UGT2A1: variants seen among roughly 807,000 people sequenced by gnomAD.
UGT2A1 encodes the protein UDP-glucuronosyltransferase 2A1.
In UGT2A1, 61 loss-of-function variants were observed where a neutral mutation model predicts 45.4. The observed-to-expected ratio is 1.34, with a 90% confidence interval of 1.09 to 1.66. UGT2A1 has a LOEUF of 1.66. Among genes scored for constraint, UGT2A1 ranks in the 40% most tolerant of loss-of-function variants. The pLI, the probability that UGT2A1 is intolerant of heterozygous loss-of-function variation, is 0.00. For synonymous variants in UGT2A1, 229 were observed against 196.2 expected (o/e 1.17, Z -1.40); for missense variants, 649 against 574.3 (o/e 1.13, Z -1.33).
intron 2 of UGT2A1, among the ~76,000 whole-genome samples, chr4:69,641,264 A>G (rs560608752): frequency 1.3e-5 from 2 of 152,074 alleles, no homozygotes; most frequent in African/African-American, 2.4e-5. Context: ...GTGAAGAACA[A>G]TAAAATGTAT....
chr4:69,639,346 TA>T, intron 2 of UGT2A1: 1 of 1,613,750 alleles, frequency 6.2e-7, no homozygotes, highest in East Asian at 2.2e-5. Context: ...AGCATTATCA[TA>T]TGCTCAATTA....
intron 3 of UGT2A1, among the ~76,000 whole-genome samples, chr4:69,610,910 A>T (rs530322764): frequency 6.6e-6 from 1 of 152,272 alleles, no homozygotes; most frequent in Non-Finnish European, 1.5e-5. Context: ...TAAATTAGCT[A>T]ATCTTTTTCA....
chr4:69,646,057 T>G (rs1203430556), intron 2 of UGT2A1, among the ~76,000 whole-genome samples: 5 of 151,882 alleles, frequency 3.3e-5, no homozygotes, highest in African/African-American at 9.7e-5. Context: ...CATTTTGTAT[T>G]TTGTATATAT....
At position 69,638,978 on chromosome 4, in the gene UGT2A1, A is replaced by G. The variant is rs561867433; in HGVS notation, c.716-3156T>C. The G allele has an allele frequency of 5.6e-6, 9 of 1,613,054 alleles. No homozygotes were observed. The South Asian group carries it at 9.9e-5, about 18-fold the overall frequency. On this transcript the variant is annotated intron_variant, in intron 2 of 6. Coordinates refer to ENST00000286604, the MANE Select transcript of UGT2A1 (RefSeq NM_001252275.3). The stretch of plus-strand genomic sequence containing the variant: ...AGTCTTGCAGAGAATAAGATATGGT[A>G]TTTTTAATCCTTTCACCAAAGGTCA...
intron 3 of UGT2A1, among the ~76,000 whole-genome samples, chr4:69,627,518 AAAG>A (rs1373896358): frequency 6.9e-6 from 1 of 145,346 alleles, no homozygotes; most frequent in Non-Finnish European, 1.5e-5. Flanking sequence ...GAAAAGAAAG[AAAG>A]AAGAAAGAAA....
chr4:69,599,599 G>A, intron 3 of UGT2A1: 9 of 562,164 alleles, frequency 1.6e-5, no homozygotes, highest in South Asian at 9.8e-5. Context: ...AAAGAAGGAA[G>A]GAAGGGAGGA....
intron 5 of UGT2A1, 66 bp from the exon 6 acceptor site, chr4:69,594,762 G>A (rs1718819178): frequency 1.3e-6 from 2 of 1,527,748 alleles, no homozygotes; most frequent in Admixed American, 4.1e-5. Flanking sequence ...TTGAGAGACA[G>A]AAGGGGTCAA....
At position 69,589,125 on chromosome 4, in the gene UGT2A1, C is replaced by A. The variant is rs182465488; in HGVS notation, c.*247G>T. On this transcript the variant is annotated 3_prime_UTR_variant, in exon 7 of 7. Coordinates refer to ENST00000286604, the MANE Select transcript of UGT2A1 (RefSeq NM_001252275.3). ...TAGTATCCTTGTGTCAGAAAAGTGACAGGAAGAGGGTATAGTCAGCAGGGA... is the reference window on the plus strand; with the variant it reads ...TAGTATCCTTGTGTCAGAAAAGTGAAAGGAAGAGGGTATAGTCAGCAGGGA... 1.8e-4 allele frequency: 62 copies of A among 337,090 alleles called. No homozygotes were observed. Among genetic ancestry groups the A allele is most frequent in the African/African-American group, 1.3e-3 (60 of 47,422 alleles). The allele number at this position is 337,090 out of a possible 1,614,324, so 20.9% of individuals were successfully genotyped here.
chr4:69,642,197 C>T (rs939377657), intron 2 of UGT2A1, among the ~76,000 whole-genome samples: 1 of 151,844 alleles, frequency 6.6e-6, no homozygotes, highest in Non-Finnish European at 1.5e-5. Context: ...TTCTGATACT[C>T]TCTCATGAGT....
In UGT2A1 at chr4:69,634,915, T is replaced by G. The variant is rs1436567487; in HGVS notation, c.847+776A>C. ...TATTGTGCTGGAGTGTCTCATTAAC[T>G]GTTAAGAGATTTGTTTTCTTCATGG... On this transcript the variant is annotated intron_variant, in intron 3 of 6. Coordinates refer to ENST00000286604, the MANE Select transcript of UGT2A1 (RefSeq NM_001252275.3). Among the ~76,000 whole-genome samples the G allele has an allele frequency of 3.9e-4, 60 of 152,130 alleles. 1 individual carries two copies. Among genetic ancestry groups the G allele is most frequent in the Admixed American group, 3.9e-3 (60 of 15,276 alleles).
intron 2 of UGT2A1, among the ~76,000 whole-genome samples, chr4:69,646,538 T>C (rs919636166): frequency 6.6e-6 from 1 of 151,844 alleles, no homozygotes; most frequent in African/African-American, 2.4e-5. Flanking sequence ...TTCTTAAACG[T>C]GCATATTAAT....
intron 3 of UGT2A1, among the ~76,000 whole-genome samples, chr4:69,607,940 C>G (rs546701626): frequency 1.3e-3 from 192 of 152,022 alleles, no homozygotes; most frequent in Middle Eastern, 3.4e-3. Flanking sequence ...GAGAGGATGT[C>G]GAGAAATAGG....
At chr4:69,625,873 A>G (rs1721024631) in intron 3 of UGT2A1, among the ~76,000 whole-genome samples, 1 of 151,546 alleles carries the variant, frequency 6.6e-6, no homozygotes. Flanking sequence ...ATTCAATAGC[A>G]TTCTTTAACC....
At chr4:69,592,994 A>G (rs377219176) in intron 6 of UGT2A1, among the ~76,000 whole-genome samples, 153 of 152,280 alleles carry the variant, frequency 1.0e-3, no homozygotes, top group African/African-American at 3.5e-3. Context: ...GCAAAAAGAT[A>G]CAACAGTCAG....
chr4:69,620,361 G>A (rs1020297582), intron 3 of UGT2A1, among the ~76,000 whole-genome samples: 5 of 132,464 alleles, frequency 3.8e-5, no homozygotes, highest in Non-Finnish European at 6.7e-5. Flanking sequence ...ACCAAATCAG[G>A]AAGGCAATCC....
chr4:69,605,600 C>A lies in UGT2A1; in HGVS notation c.848-6206G>T, dbSNP rs1560473896. Among the ~76,000 whole-genome samples the A allele has an allele frequency of 1.4e-4, 19 of 136,002 alleles. 2 individuals are homozygous for A. The allele number at this position is 136,002 out of a possible 152,430, so 89.2% of individuals were successfully genotyped here. A position where few individuals can be genotyped will look rare whatever the true frequency, so the allele number is the denominator to read the frequency against. On this transcript the variant is annotated intron_variant, in intron 3 of 6. Coordinates refer to ENST00000286604, the MANE Select transcript of UGT2A1 (RefSeq NM_001252275.3). ...AGCAGAACTGAAGGAAATAGAGACA[C>A]AAAAAACCCTTTAAAAAATCAATGA...
intron 3 of UGT2A1, among the ~76,000 whole-genome samples, chr4:69,632,690 C>A (rs958840891): frequency 4.6e-5 from 7 of 151,862 alleles, no homozygotes; most frequent in African/African-American, 1.2e-4. Context: ...GAGTTTGAGA[C>A]CTGCCTGGCC....
intron 3 of UGT2A1, among the ~76,000 whole-genome samples, chr4:69,605,701 G>T (rs991588696): frequency 4.4e-5 from 6 of 135,978 alleles, no homozygotes; most frequent in Non-Finnish European, 7.8e-5. Flanking sequence ...AGAAAAGAGA[G>T]AAGAATCAAA....
rs1408467159 is a variant in UGT2A1, at chr4:69,647,184, G to A, written c.461C>T (p.Pro154Leu). ...TTTTAAAGCTACTATATCGCCACAA[G>A]GAAATACTGGATCAGACACCAGGAC... ...FEVLVSDPVF[P>L]CGDIVALKLG... is the part of the protein sequence containing the mutation. Residue 154 changes from proline (P) to leucine (L), a missense_variant, in exon 2 of 7, where the codon CCT becomes CTT. By Grantham distance (98) the Pro-to-Leu change is moderately conservative. Transcript: ENST00000286604. 1.2e-6 allele frequency: 2 copies of A among 1,612,994 alleles called. No individual in the cohort carries two copies. The highest frequency in any genetic ancestry group is 1.7e-6 in the Non-Finnish European group (2 of 1,179,416).
Sources: allele counts gnomAD v4.1 joint callset (sites outside exome capture counted in the v4.1 genomes callset), GRCh38; gene constraint gnomAD v4.1.1; transcripts MANE v1.5; gene names NCBI Gene and HGNC (gene_info 2026-07-23, HGNC 2026-07-21).